Variants in ABI3BP observed in about 807,000 individuals in gnomAD.
ABI3BP encodes ABI family member 3 binding protein.
ABI3BP carries 216 observed loss-of-function variants against 268.6 expected under a neutral mutation model. That is an observed-to-expected ratio of 0.80 (90% confidence interval 0.72 to 0.90). The LOEUF (loss-of-function observed/expected upper bound fraction) is 0.90, where lower values mean the gene tolerates loss of function less well. Among genes scored for constraint, ABI3BP ranks in the 40% least tolerant of loss-of-function variants. ABI3BP has a pLI of 0.00. For missense variants in ABI3BP, 2,090 were observed against 2,182.4 expected (o/e 0.96, Z 0.84); for synonymous variants, 730 against 730.0 (o/e 1.00, Z 0.00).
intron 21 of ABI3BP, among the ~76,000 whole-genome samples, chr3:100,841,220 T>TTTTTTTTTTTTTTTTTTTTTG (rs1560681726): frequency 3.3e-5 from 4 of 119,548 alleles, no homozygotes; most frequent in Non-Finnish European, 3.4e-5. Context: ...TTTTTTTTTT[T>TTTTTTTTTTTTTTTTTTTTTG]TTTTTTTGCT....
At position 100,783,711 on chromosome 3, in the gene ABI3BP, C is replaced by T. The variant is rs139161477; in HGVS notation, c.4163-3502G>A. ...GTGGGCCATACTGTCTCTGCCACAA[C>T]GATTCAACTCTGCCATAGTACTGTA... is the stretch of plus-strand genomic sequence containing the variant. On this transcript the variant is annotated intron_variant, in intron 57 of 67. Coordinates refer to ENST00000471714, the MANE Select transcript of ABI3BP (RefSeq NM_001375547.2). 2.5e-3 allele frequency among the ~76,000 whole-genome samples: 382 copies of T among 152,332 alleles called. 5 individuals carry two copies. Among genetic ancestry groups the T allele is most frequent in the African/African-American group, 8.5e-3 (354 of 41,584 alleles).
chr3:100,781,300 C>T (rs1347669244), intron 57 of ABI3BP, among the ~76,000 whole-genome samples: 1 of 152,118 alleles, frequency 6.6e-6, no homozygotes, highest in African/African-American at 2.4e-5. Context: ...AATATGATGA[C>T]ATTTTCACAT....
At chr3:100,896,324 C>T (rs991956389) in intron 4 of ABI3BP, among the ~76,000 whole-genome samples, 2 of 152,032 alleles carry the variant, frequency 1.3e-5, no homozygotes, top group Admixed American at 6.6e-5. Context: ...GTCATCTGTC[C>T]TAACTTTCTC....
chr3:100,829,770 G>T, intron 32 of ABI3BP, 106 bp from the exon 33 acceptor site: 4 of 902,832 alleles, frequency 4.4e-6, no homozygotes, highest in Non-Finnish European at 3.4e-6. Flanking sequence ...GTTTCTTTTG[G>T]GTTTGAAATA....
intron 4 of ABI3BP, among the ~76,000 whole-genome samples, chr3:100,889,124 G>T (rs2043300309): frequency 6.6e-6 from 1 of 152,034 alleles, no homozygotes; most frequent in Non-Finnish European, 1.5e-5. Flanking sequence ...CACTCCTACA[G>T]AACCAAAGCA....
intron 1 of ABI3BP, among the ~76,000 whole-genome samples, chr3:100,951,132 G>A (rs986788901): frequency 1.3e-5 from 2 of 151,900 alleles, no homozygotes; most frequent in African/African-American, 4.9e-5. Context: ...GTGCAGACTG[G>A]AGAATCCCAT....
chr3:100,775,458 T>A, intron 59 of ABI3BP, 123 bp from the exon 60 acceptor site: 1 of 1,311,622 alleles, frequency 7.6e-7, no homozygotes, highest in Admixed American at 2.6e-5. Context: ...TAGACCAGGC[T>A]TGGAGAGAAA....
intron 6 of ABI3BP, among the ~76,000 whole-genome samples, chr3:100,880,594 C>T (rs906085145): frequency 3.9e-5 from 6 of 152,068 alleles, no homozygotes; most frequent in African/African-American, 1.2e-4. Context: ...TGGTGACACT[C>T]AATAAGGAGA....
rs577160809 is a variant in ABI3BP at position 100,986,556 on chromosome 3, T to C, written c.79+6750A>G. 5.9e-5 allele frequency among the ~76,000 whole-genome samples: 9 copies of C among 152,312 alleles called. No individual in the cohort carries two copies. The East Asian group carries it at 1.5e-3, about 26-fold the overall frequency. On this transcript the variant is annotated intron_variant, in intron 1 of 67. Transcript: ENST00000471714. The stretch of plus-strand genomic sequence containing the variant: ...ATCTCAGCTCACTGCAACCTCCGCC[T>C]CCTGGGCTCAAGTAATTCTCATGCC...
At chr3:100,843,190 T>C (rs1336545217) in intron 20 of ABI3BP, among the ~76,000 whole-genome samples, 1 of 152,208 alleles carries the variant, frequency 6.6e-6, no homozygotes, top group East Asian at 1.9e-4. Flanking sequence ...TTAAAGGCAT[T>C]ATCATCCATT....
intron 38 of ABI3BP, among the ~76,000 whole-genome samples, chr3:100,821,922 G>T (rs1207681071): frequency 6.6e-6 from 1 of 151,956 alleles, no homozygotes; most frequent in African/African-American, 2.4e-5. Context: ...CTTTATATCA[G>T]TTGTCCAGTT....
intron 51 of ABI3BP, among the ~76,000 whole-genome samples, chr3:100,796,771 C>T (rs961667719): frequency 6.6e-6 from 1 of 152,058 alleles, no homozygotes; most frequent in Non-Finnish European, 1.5e-5. Flanking sequence ...CCTCAAGTGG[C>T]TTTCAAAATA....
chr3:100,865,313 C>A (rs148333776), intron 10 of ABI3BP, among the ~76,000 whole-genome samples: 1 of 152,042 alleles, frequency 6.6e-6, no homozygotes, highest in Admixed American at 6.6e-5. Context: ...GTTTATTAAA[C>A]GAATAAATGG....
chr3:100,907,879 G>T (rs949540235), intron 2 of ABI3BP, among the ~76,000 whole-genome samples: 1 of 152,100 alleles, frequency 6.6e-6, no homozygotes, highest in Non-Finnish European at 1.5e-5. Flanking sequence ...ACTTTGGGAG[G>T]CCTAGGCGGG....
chr3:100,934,833 T>A (rs1376194135), intron 1 of ABI3BP, among the ~76,000 whole-genome samples: 1 of 151,448 alleles, frequency 6.6e-6, no homozygotes, highest in Non-Finnish European at 1.5e-5. Flanking sequence ...ATGGGGTTGT[T>A]TTCTTGTAAA....
At chr3:100,828,139 A>C (rs902578513) in intron 34 of ABI3BP, among the ~76,000 whole-genome samples, 1 of 152,160 alleles carries the variant, frequency 6.6e-6, no homozygotes, top group African/African-American at 2.4e-5. Context: ...CCTCGCGAGA[A>C]TATGTCAAAT....
At chr3:100,917,620 C>A (rs947960426) in intron 2 of ABI3BP, among the ~76,000 whole-genome samples, 2 of 152,036 alleles carry the variant, frequency 1.3e-5, no homozygotes, top group Non-Finnish European at 2.9e-5. Flanking sequence ...GGGCCATTAG[C>A]CATTCGGGGA....
chr3:100,959,518 T>C (rs1307374412), intron 1 of ABI3BP, among the ~76,000 whole-genome samples: 4 of 115,366 alleles, frequency 3.5e-5, no homozygotes, highest in Admixed American at 3.4e-4. Flanking sequence ...AAAAAAAGAA[T>C]AAGGCTGAAT....
At chr3:100,814,510 G>A (rs541783204) in intron 44 of ABI3BP, among the ~76,000 whole-genome samples, 2 of 151,984 alleles carry the variant, frequency 1.3e-5, no homozygotes, top group Admixed American at 6.6e-5. Flanking sequence ...AGCCCACATC[G>A]TTCCTTGACT....
Sources: allele counts gnomAD v4.1 joint callset (sites outside exome capture counted in the v4.1 genomes callset), GRCh38; gene constraint gnomAD v4.1.1; transcripts MANE v1.5; gene names NCBI Gene and HGNC (gene_info 2026-07-23, HGNC 2026-07-21).